The following TTC29 variants were observed in gnomAD, a reference collection of about 807,000 sequenced individuals.
TTC29 encodes the protein tetratricopeptide repeat domain 29.
Under a neutral mutation model 58.1 loss-of-function variants are expected in TTC29, and 49 were observed. The observed-to-expected ratio is 0.84, with a 90% CI of 0.67 to 1.07. TTC29 has a LOEUF of 1.07. TTC29 is among the 50% of genes least tolerant of loss of function. The pLI, the probability that TTC29 is intolerant of heterozygous loss-of-function variation, is 0.00. For synonymous variants in TTC29, 209 were observed against 196.8 expected (o/e 1.06, Z -0.52); for missense variants, 582 against 555.6 (o/e 1.05, Z -0.48).
chr4:146,929,390 C>CG (rs1320292671), intron 4 of TTC29, among the ~76,000 whole-genome samples: 4 of 151,748 alleles, frequency 2.6e-5, no homozygotes, highest in Non-Finnish European at 5.9e-5. Context: ...TTCACAGTGG[C>CG]CAATTATTTT....
chr4:146,729,575 G>T (rs533527182), intron 11 of TTC29, among the ~76,000 whole-genome samples: 1 of 152,186 alleles, frequency 6.6e-6, no homozygotes, highest in African/African-American at 2.4e-5. Flanking sequence ...GTTCAAAAAG[G>T]TTTGCTTTGT....
chr4:146,922,842 T>G (rs955977954), intron 4 of TTC29, among the ~76,000 whole-genome samples: 5 of 151,848 alleles, frequency 3.3e-5, no homozygotes, highest in Admixed American at 2.6e-4. Context: ...CATGTTAAAC[T>G]TTATTGCAGT....
At chr4:146,736,231 A>G (rs1744697836) in intron 11 of TTC29, among the ~76,000 whole-genome samples, 2 of 152,060 alleles carry the variant, frequency 1.3e-5, no homozygotes, top group African/African-American at 4.8e-5. Context: ...CTGGGGACCC[A>G]AAGCCTTTTG....
chr4:146,772,621 T>C (rs1747819841), intron 11 of TTC29, among the ~76,000 whole-genome samples: 1 of 152,198 alleles, frequency 6.6e-6, no homozygotes, highest in Non-Finnish European at 1.5e-5. Context: ...TTTTGGTTAC[T>C]ATAACCTTGT....
chr4:146,855,410 G>A (rs538450077), intron 8 of TTC29, among the ~76,000 whole-genome samples: 1 of 120,696 alleles, frequency 8.3e-6, no homozygotes, highest in South Asian at 2.7e-4. Flanking sequence ...TCCAGCCTGG[G>A]CGACAGTGAG....
chr4:146,939,562 A>G (rs565137708), intron 3 of TTC29, among the ~76,000 whole-genome samples: 18 of 152,316 alleles, frequency 1.2e-4, no homozygotes, highest in Admixed American at 9.2e-4. Flanking sequence ...GAACCATGAT[A>G]TAATTGCAAC....
At chr4:146,878,181 T>C (rs1731401468) in intron 6 of TTC29, among the ~76,000 whole-genome samples, 1 of 152,216 alleles carries the variant, frequency 6.6e-6, no homozygotes, top group Non-Finnish European at 1.5e-5. Context: ...AACCTTGGGA[T>C]GGTTAGAAAT....
intron 11 of TTC29, among the ~76,000 whole-genome samples, chr4:146,716,423 T>TA (rs926908665): frequency 2.4e-4 from 37 of 152,174 alleles, no homozygotes; most frequent in Non-Finnish European, 4.9e-4. Flanking sequence ...TAATTTTTTG[T>TA]AATGCTTTAT....
At chr4:146,937,818 C>A in intron 3 of TTC29, 141 bp from the exon 4 acceptor site, 1 of 464,666 alleles carries the variant, frequency 2.2e-6, no homozygotes, top group Non-Finnish European at 3.8e-6. Context: ...AGAGTTAGGT[C>A]GTTGGTTGAT....
chr4:146,717,197 A>T (rs1004790800), intron 11 of TTC29, among the ~76,000 whole-genome samples: 4 of 152,182 alleles, frequency 2.6e-5, no homozygotes, highest in Non-Finnish European at 5.9e-5. Flanking sequence ...TTAGATAATA[A>T]GTAAATATAA....
intron 8 of TTC29, among the ~76,000 whole-genome samples, chr4:146,837,056 G>T (rs1480481271): frequency 6.6e-6 from 1 of 152,062 alleles, no homozygotes; most frequent in Admixed American, 6.6e-5. Context: ...AATGTTCACT[G>T]CAGCACTATT....
At chr4:146,913,778 C>T (rs1290032168) in intron 4 of TTC29, among the ~76,000 whole-genome samples, 4 of 152,104 alleles carry the variant, frequency 2.6e-5, no homozygotes, top group Admixed American at 6.6e-5. Context: ...AGTCAGAATC[C>T]ATTTCTGCTG....
intron 11 of TTC29, among the ~76,000 whole-genome samples, chr4:146,791,560 C>T (rs995041091): frequency 6.6e-6 from 1 of 152,136 alleles, no homozygotes; most frequent in Non-Finnish European, 1.5e-5. Flanking sequence ...TTCCCTGAGA[C>T]ACAACAATAT....
chr4:146,780,221 C>G (rs1444282254), intron 11 of TTC29, among the ~76,000 whole-genome samples: 1 of 151,664 alleles, frequency 6.6e-6, no homozygotes, highest in East Asian at 1.9e-4. Context: ...CCAGTCATCT[C>G]AGAAGCGTAA....
intron 11 of TTC29, among the ~76,000 whole-genome samples, chr4:146,793,082 T>C (rs1749584788): frequency 6.6e-6 from 1 of 152,204 alleles, no homozygotes; most frequent in Admixed American, 6.5e-5. Flanking sequence ...TGAGATGGAA[T>C]CTACTACTGG....
intron 6 of TTC29, among the ~76,000 whole-genome samples, chr4:146,890,469 C>A (rs919103842): frequency 1.9e-4 from 29 of 152,084 alleles, no homozygotes; most frequent in African/African-American, 7.0e-4. Flanking sequence ...GGTAGAAAGG[C>A]CCACCCCACC....
intron 5 of TTC29, among the ~76,000 whole-genome samples, chr4:146,906,351 T>C (rs1733520596): frequency 6.6e-6 from 1 of 152,196 alleles, no homozygotes; most frequent in African/African-American, 2.4e-5. Flanking sequence ...ATGACTATTG[T>C]TAATGCCATA....
intron 11 of TTC29, among the ~76,000 whole-genome samples, chr4:146,736,710 T>A (rs1459536343): frequency 6.6e-6 from 1 of 152,184 alleles, no homozygotes; most frequent in East Asian, 1.9e-4. Flanking sequence ...CTGAAGGACA[T>A]AAAATGATCC....
intron 11 of TTC29, among the ~76,000 whole-genome samples, chr4:146,788,422 T>A (rs1579675048): frequency 6.6e-6 from 1 of 152,200 alleles, no homozygotes; most frequent in East Asian, 1.9e-4. Flanking sequence ...AATGACTTTA[T>A]AACATCAGGT....
Sources: allele counts gnomAD v4.1 joint callset (sites outside exome capture counted in the v4.1 genomes callset), GRCh38; gene constraint gnomAD v4.1.1; transcripts MANE v1.5; gene names NCBI Gene and HGNC (gene_info 2026-07-23, HGNC 2026-07-21).